The following SHOC2 variants were observed in gnomAD, a reference collection of about 807,000 sequenced individuals.
The protein encoded by SHOC2 is leucine-rich repeat protein SHOC-2.
Under a neutral mutation model 50.2 loss-of-function variants are expected in SHOC2, and 4 were observed. The ratio of observed to expected loss-of-function variants is 0.08; its 90% CI spans 0.04 to 0.18. SHOC2 has a LOEUF of 0.18. Ranked by LOEUF, SHOC2 falls within the 10% of genes least tolerant of loss-of-function variation. The probability of loss-of-function intolerance (pLI) is 1.00; values close to 1 mark genes in which losing one functional copy is unlikely to be tolerated. For missense variants in SHOC2, 388 were observed against 669.6 expected, an observed-to-expected ratio of 0.58 and a Z score of 4.64; for synonymous variants, 218 against 244.5, an observed-to-expected ratio of 0.89 and a Z score of 1.01.
intron 2 of SHOC2, among the ~76,000 whole-genome samples, chr10:110,969,414 T>C (rs1411824578): frequency 6.6e-6 from 1 of 152,212 alleles, no homozygotes; most frequent in Non-Finnish European, 1.5e-5. Flanking sequence ...TGCTTTTGTA[T>C]ATTCTCTGTT....
intron 4 of SHOC2, among the ~76,000 whole-genome samples, chr10:111,001,279 C>T (rs1207445466): frequency 2.6e-5 from 4 of 151,914 alleles, no homozygotes; most frequent in Middle Eastern, 3.4e-3. Flanking sequence ...CTGCCTCACC[C>T]TCCCAAGTAG....
At chr10:110,955,136 AGTG>A (rs1847434946) in intron 1 of SHOC2, among the ~76,000 whole-genome samples, 1 of 152,184 alleles carries the variant, frequency 6.6e-6, no homozygotes, top group Non-Finnish European at 1.5e-5. Context: ...TTGGATAAAA[AGTG>A]CTTTGTTCAC....
In SHOC2 at chr10:111,009,272, C is replaced by A. The variant is rs776451527; in HGVS notation, c.1309C>A (p.Leu437Ile). Residue 437 changes from leucine (L) to isoleucine (I), a missense_variant, in exon 7 of 9, where the codon CTA (leucine) becomes ATA (isoleucine). Leu to Ile is a conservative substitution (Grantham distance 5). Transcript: ENST00000369452. Reference sequence around the variant, plus strand: ...GGTTCTTATCTTATCAAACAATCTTCTAAAGAAGCTTCCCCATGGTCTTGG... The same window carrying A: ...GGTTCTTATCTTATCAAACAATCTTATAAAGAAGCTTCCCCATGGTCTTGG... Reference protein sequence around the residue: ...LEVLILSNNLLKKLPHGLGNL... With the variant: ...LEVLILSNNLIKKLPHGLGNL... 2.5e-6 allele frequency: 4 copies of A among 1,580,202 alleles called. No homozygotes were observed. Among genetic ancestry groups the A allele is most frequent in the Non-Finnish European group, 3.5e-6 (4 of 1,149,900 alleles).
At chr10:110,981,657 C>T (rs535894409) in intron 2 of SHOC2, among the ~76,000 whole-genome samples, 5 of 152,182 alleles carry the variant, frequency 3.3e-5, no homozygotes, top group African/African-American at 1.2e-4. Context: ...AACATGAATG[C>T]ATTTTGAATT....
intron 1 of SHOC2, among the ~76,000 whole-genome samples, chr10:110,935,306 A>C (rs1180926744): frequency 6.6e-6 from 1 of 152,264 alleles, no homozygotes; most frequent in African/African-American, 2.4e-5. Context: ...GTCAGCTGGA[A>C]GGTGAACTCC....
intron 2 of SHOC2, among the ~76,000 whole-genome samples, chr10:110,973,259 C>T (rs1441511192): frequency 1.3e-5 from 2 of 152,072 alleles, no homozygotes; most frequent in East Asian, 3.9e-4. Context: ...AAAAATATCC[C>T]TATAAAGAAC....
intron 1 of SHOC2, among the ~76,000 whole-genome samples, chr10:110,939,455 A>G (rs928475464): frequency 1.6e-4 from 25 of 152,268 alleles, no homozygotes; most frequent in African/African-American, 4.6e-4. Context: ...TCTGGCCTCA[A>G]CCAATCCCCC....
At chr10:110,987,051 C>G (rs1403360001) in intron 3 of SHOC2, among the ~76,000 whole-genome samples, 1 of 152,054 alleles carries the variant, frequency 6.6e-6, no homozygotes, top group Non-Finnish European at 1.5e-5. Flanking sequence ...GACTAGAGTC[C>G]CCACCCTTGG....
intron 1 of SHOC2, chr10:110,936,989 A>G (rs771312200): frequency 1.4e-6 from 2 of 1,466,128 alleles, no homozygotes; most frequent in East Asian, 2.3e-5. Flanking sequence ...TCGCACAGTC[A>G]GCCAGAAGAT....
At chr10:110,948,083 T>C (rs1847282497) in intron 1 of SHOC2, among the ~76,000 whole-genome samples, 3 of 152,180 alleles carry the variant, frequency 2.0e-5, no homozygotes, top group African/African-American at 7.2e-5. Context: ...GCTATATTTA[T>C]GTAAGATAAA....
At chr10:110,923,890 T>C (rs940529041) in intron 1 of SHOC2, among the ~76,000 whole-genome samples, 4 of 152,242 alleles carry the variant, frequency 2.6e-5, no homozygotes, top group African/African-American at 7.2e-5. Flanking sequence ...TAATTTTAAG[T>C]AATTTTACAG....
In SHOC2 at chr10:110,940,910, G is replaced by GGTTTTTTT. The variant is rs1564705752; in HGVS notation, c.-235+21253_-235+21254insGTTTTTTT. Among the ~76,000 whole-genome samples the GGTTTTTTT allele has an allele frequency of 6.7e-5, 8 of 119,504 alleles. 4 individuals are homozygous for GGTTTTTTT. Among genetic ancestry groups the GGTTTTTTT allele is most frequent in the African/African-American group, 1.3e-4 (4 of 31,418 alleles). The allele number at this position is 119,504 out of a possible 152,430, so 78.4% of individuals were successfully genotyped here. A position where few individuals can be genotyped will look rare whatever the true frequency, so the allele number is the denominator to read the frequency against. On this transcript the variant is annotated intron_variant, in intron 1 of 8. Coordinates refer to ENST00000369452, the MANE Select transcript of SHOC2 (RefSeq NM_007373.4). ...GACAAAATAGTGGTATTTGTGGTGG[G>GGTTTTTTT]TTTTTTTTTTTTTTTTTTTTTTTTT...
chr10:110,964,329 C>T lies in SHOC2; in HGVS notation c.-30C>T, dbSNP rs1483832265. 1 of 1,607,556 alleles carries T rather than the reference C, an allele frequency of 6.2e-7. No individual in the cohort carries two copies. Among genetic ancestry groups the T allele is most frequent in the Non-Finnish European group, 8.5e-7 (1 of 1,176,884 alleles). On this transcript the variant is annotated 5_prime_UTR_variant, in exon 2 of 9. Transcript: ENST00000369452. The surrounding 1 kb of genome is among the most constrained non-coding windows in gnomAD (Gnocchi z 4.9). ...CAATTACTGGAAAATAAAAGGAGTT[C>T]ATGTAGTTTTTGTCCAGGCTTGAGT...
At chr10:110,999,042 A>AAT (rs1200785639) in intron 3 of SHOC2, among the ~76,000 whole-genome samples, 4 of 152,366 alleles carry the variant, frequency 2.6e-5, no homozygotes, top group Middle Eastern at 3.4e-3. Context: ...AAAGGAGAGA[A>AAT]ATGGACATCA....
At chr10:111,004,573 C>A (rs1013719504) in intron 4 of SHOC2, 33 bp from the exon 5 acceptor site, 26 of 1,502,126 alleles carry the variant, frequency 1.7e-5, no homozygotes, top group Non-Finnish European at 2.2e-5. Flanking sequence ...CATCACAGTT[C>A]TAATTCTTAT....
At chr10:110,988,645 T>C (rs1468705861) in intron 3 of SHOC2, among the ~76,000 whole-genome samples, 1 of 152,138 alleles carries the variant, frequency 6.6e-6, no homozygotes, top group Non-Finnish European at 1.5e-5. Context: ...GTTTTATTGA[T>C]TTTCCCTATT....
intron 1 of SHOC2, among the ~76,000 whole-genome samples, chr10:110,963,569 T>C (rs1169672165): frequency 3.9e-5 from 6 of 152,186 alleles, no homozygotes; most frequent in African/African-American, 1.4e-4. Flanking sequence ...TTCTGTTATC[T>C]AAAGCTATCC....
At position 111,009,771 on chromosome 10, in the gene SHOC2, C is replaced by A. The variant is rs758241851; in HGVS notation, c.1481C>A (p.Thr494Asn). Reference protein sequence around the residue: ...TTLPRGIGHLTNLTHLGLGEN... With the variant: ...TTLPRGIGHLNNLTHLGLGEN... The stretch of plus-strand genomic sequence containing the variant: ...CTTCCCAGAGGCATTGGTCACCTTA[C>A]TAATCTCACACATCTGGGCCTTGGA... The change falls in exon 8 of 9, where the codon ACT (threonine) becomes AAT (asparagine). Residue 494 changes from threonine to asparagine, a missense_variant. By Grantham distance (65) the Thr-to-Asn change is moderately conservative. Around this residue, in one of 5 missense-constraint regions of SHOC2, gnomAD observed 130 missense variants for 208.6 expected, o/e 0.62. Transcript: ENST00000369452. The A allele has an allele frequency of 2.4e-5, 38 of 1,613,356 alleles. No individual in the cohort carries two copies. The South Asian group carries it at 4.1e-4, about 17-fold the overall frequency.
At chr10:111,003,713 T>A (rs1007306477) in intron 4 of SHOC2, among the ~76,000 whole-genome samples, 2 of 152,182 alleles carry the variant, frequency 1.3e-5, no homozygotes, top group African/African-American at 4.8e-5. Context: ...AAAATGCATA[T>A]TATGATTCAG....
Sources: allele counts gnomAD v4.1 joint callset (sites outside exome capture counted in the v4.1 genomes callset), GRCh38; gene constraint gnomAD v4.1.1; regional missense constraint gnomAD v4.1.1; non-coding constraint Gnocchi (gnomAD v3.1); transcripts MANE v1.5; gene names NCBI Gene and HGNC (gene_info 2026-07-23, HGNC 2026-07-21).